The following PTPRG variants were observed in gnomAD, a reference collection of about 807,000 sequenced individuals.
PTPRG encodes receptor-type tyrosine-protein phosphatase gamma.
PTPRG carries 102 observed loss-of-function variants against 165.3 expected under a neutral mutation model. The ratio of observed to expected loss-of-function variants is 0.62; its 90% CI spans 0.53 to 0.73. The LOEUF (loss-of-function observed/expected upper bound fraction) is 0.73. Among genes scored for constraint, PTPRG ranks in the 30% least tolerant of loss-of-function variants. The probability of loss-of-function intolerance (pLI) is 0.00; values close to 1 mark genes in which losing one functional copy is unlikely to be tolerated. For synonymous variants in PTPRG, 675 were observed against 669.5 expected, an observed-to-expected ratio of 1.01 and a Z score of -0.13; for missense variants, 1,866 against 1,861.4, an observed-to-expected ratio of 1.00 and a Z score of -0.05.
chr3:61,644,762 GAT>G (rs773180065), intron 1 of PTPRG, among the ~76,000 whole-genome samples: 3 of 152,178 alleles, frequency 2.0e-5, no homozygotes, highest in Non-Finnish European at 4.4e-5. Flanking sequence ...GTTTTAATGA[GAT>G]AATCATTGAA....
Position 62,203,818 on chromosome 3 carries a change from C to T in PTPRG, c.2023C>T (p.Gln675Ter). ...GGACCCCGACATGGTCACCTCCACC[C>T]AAGTGCCCCCCACCGCCACAGAGGA... ...GLDPDMVTST[Q>*]VPPTATEEQY... Residue 675 changes from glutamine (Q) to a stop codon, truncating the protein, a stop_gained, in exon 12 of 30, where the codon CAA (glutamine) becomes TAA (stop). Transcript: ENST00000474889. LOFTEE classifies it high-confidence loss of function. The surrounding 1 kb of genome is among the most constrained non-coding windows in gnomAD (Gnocchi z 6.4). 1 of 1,614,026 alleles carries T rather than the reference C, an allele frequency of 6.2e-7. No homozygotes were observed. The highest frequency in any genetic ancestry group is 2.2e-5 in the East Asian group (1 of 44,858).
At chr3:61,728,574 C>A (rs1338760290) in intron 1 of PTPRG, among the ~76,000 whole-genome samples, 36 of 151,800 alleles carry the variant, frequency 2.4e-4, no homozygotes, top group Non-Finnish European at 5.9e-5. Context: ...CAGAGCAAGA[C>A]CTTGTCTCAA....
intron 1 of PTPRG, among the ~76,000 whole-genome samples, chr3:61,606,204 TG>T (rs1420722376): frequency 6.6e-6 from 1 of 152,160 alleles, no homozygotes; most frequent in Non-Finnish European, 1.5e-5. Context: ...CTCCCAGGCT[TG>T]CTGGTTGTTA....
rs539050639 is a variant in PTPRG at position 61,614,969 on chromosome 3, C to T, written c.85+52597C>T. On this transcript the variant is annotated intron_variant, in intron 1 of 29. Transcript: ENST00000474889. Reference sequence around the variant, plus strand: ...CCACCCAGCTTCTGAAAGAACCTACCGCTTCCAAACACACCATGCGCTCCA... The same window carrying T: ...CCACCCAGCTTCTGAAAGAACCTACTGCTTCCAAACACACCATGCGCTCCA... Among the ~76,000 whole-genome samples the T allele has an allele frequency of 4.9e-4, 75 of 152,266 alleles. 1 individual carries two copies. The South Asian group carries it at 5.6e-3, about 11-fold the overall frequency.
At chr3:61,995,001 C>G (rs2107704507) in intron 3 of PTPRG, among the ~76,000 whole-genome samples, 1 of 151,724 alleles carries the variant, frequency 6.6e-6, no homozygotes, top group South Asian at 2.1e-4. Flanking sequence ...GTGAGCCTTA[C>G]TGAGAGTCAG....
At chr3:61,807,751 G>A (rs1340175170) in intron 2 of PTPRG, among the ~76,000 whole-genome samples, 1 of 151,244 alleles carries the variant, frequency 6.6e-6, no homozygotes, top group African/African-American at 2.4e-5. Context: ...AATCGTATTG[G>A]GATGATTTTT....
At chr3:62,275,774 T>C (rs369891150) in intron 23 of PTPRG, 99 bp from the exon 24 acceptor site, 9 of 842,624 alleles carry the variant, frequency 1.1e-5, no homozygotes, top group South Asian at 3.5e-5. Context: ...AGAAATGGTC[T>C]TGTTTATCAG....
At position 62,085,562 on chromosome 3, in the gene PTPRG, C is replaced by T. The variant is rs138712588; in HGVS notation, c.615+7304C>T. 1.5e-3 allele frequency among the ~76,000 whole-genome samples: 224 copies of T among 152,206 alleles called. 2 individuals carry two copies. Among genetic ancestry groups the T allele is most frequent in the South Asian group, 0.014 (67 of 4,824 alleles). Reference sequence around the variant, plus strand: ...GGATCATTTTGCTAATTTTCTTTCCCATTGTCTCTGCCTCTTTCTTGCATT... The same window carrying T: ...GGATCATTTTGCTAATTTTCTTTCCTATTGTCTCTGCCTCTTTCTTGCATT... On this transcript the variant is annotated intron_variant, in intron 5 of 29. Transcript: ENST00000474889.
At chr3:61,598,748 T>A (rs1347241443) in intron 1 of PTPRG, among the ~76,000 whole-genome samples, 1 of 152,016 alleles carries the variant, frequency 6.6e-6, no homozygotes, top group Non-Finnish European at 1.5e-5. Context: ...AATCTGAGAG[T>A]GTAGGCAGAG....
chr3:62,061,526 A>G (rs942420234), intron 4 of PTPRG, among the ~76,000 whole-genome samples: 2 of 152,140 alleles, frequency 1.3e-5, no homozygotes, highest in Non-Finnish European at 2.9e-5. Flanking sequence ...GCTGAGATTT[A>G]TCTATCAGAG....
intron 2 of PTPRG, among the ~76,000 whole-genome samples, chr3:61,944,589 G>A (rs191070903): frequency 6.6e-6 from 1 of 152,208 alleles, no homozygotes. Flanking sequence ...ACAGCCTCGC[G>A]CTACATGATA....
At chr3:61,983,112 A>G (rs1224244346) in intron 2 of PTPRG, among the ~76,000 whole-genome samples, 1 of 152,204 alleles carries the variant, frequency 6.6e-6, no homozygotes, top group Non-Finnish European at 1.5e-5. Context: ...GAATATGAAT[A>G]AAGTAAAAAT....
chr3:61,822,914 G>A (rs762929763), intron 2 of PTPRG, among the ~76,000 whole-genome samples: 2 of 152,180 alleles, frequency 1.3e-5, no homozygotes, highest in Non-Finnish European at 2.9e-5. Context: ...TCGTTACATG[G>A]CCGATGGTGA....
Position 62,219,071 on chromosome 3 carries a change from AT to A in PTPRG, c.2288+90del. On this transcript the variant is annotated intron_variant, in intron 13 of 29. Transcript: ENST00000474889. The surrounding 1 kb of genome is among the most constrained non-coding windows in gnomAD (Gnocchi z 4.5). ...GGGAGGGGAATCCCACGGCCTCTGCATTCAGGAAGGTGAGGTAGCTTAAGTG... is the reference window on the plus strand; with the variant it reads ...GGGAGGGGAATCCCACGGCCTCTGCATCAGGAAGGTGAGGTAGCTTAAGTG... The A allele has an allele frequency of 6.6e-7, 1 of 1,514,554 alleles. No individual in the cohort carries two copies. The allele number at this position is 1,514,554 out of a possible 1,614,324, so 93.8% of individuals were successfully genotyped here.
At chr3:61,999,233 G>C (rs2041112123) in intron 3 of PTPRG, among the ~76,000 whole-genome samples, 1 of 152,140 alleles carries the variant, frequency 6.6e-6, no homozygotes, top group East Asian at 1.9e-4. Context: ...TTTTAGTAGA[G>C]ACGTGATTTC....
At chr3:61,594,303 G>A (rs1462679788) in intron 1 of PTPRG, among the ~76,000 whole-genome samples, 1 of 152,038 alleles carries the variant, frequency 6.6e-6, no homozygotes, top group African/African-American at 2.4e-5. Flanking sequence ...CTGCATCTCT[G>A]CCTGTGTAGG....
chr3:62,186,494 G>A (rs569510920), intron 8 of PTPRG, among the ~76,000 whole-genome samples: 5 of 151,974 alleles, frequency 3.3e-5, no homozygotes, highest in African/African-American at 1.2e-4. Context: ...AGCAGTGAGA[G>A]TGCAGGAGGA....
chr3:62,095,451 AGT>A (rs1308615146), intron 5 of PTPRG, among the ~76,000 whole-genome samples: 2 of 152,178 alleles, frequency 1.3e-5, no homozygotes, highest in Admixed American at 1.3e-4. Flanking sequence ...ATGAAAGAAG[AGT>A]GTTACTGTCT....
At chr3:62,120,927 G>A (rs189758573) in intron 5 of PTPRG, among the ~76,000 whole-genome samples, 24 of 151,980 alleles carry the variant, frequency 1.6e-4, no homozygotes, top group Admixed American at 5.2e-4. Context: ...CTGCTTATTT[G>A]GGAGAAAGAA....
Sources: allele counts gnomAD v4.1 joint callset (sites outside exome capture counted in the v4.1 genomes callset), GRCh38; gene constraint gnomAD v4.1.1; non-coding constraint Gnocchi (gnomAD v3.1); transcripts MANE v1.5; gene names NCBI Gene and HGNC (gene_info 2026-07-23, HGNC 2026-07-21).